KIAA1549L: variants seen among roughly 807,000 people sequenced by gnomAD.
KIAA1549L encodes the protein UPF0606 protein KIAA1549L.
KIAA1549L carries 88 observed loss-of-function variants against 160.7 expected under a neutral mutation model. That is an observed-to-expected ratio of 0.55 (90% confidence interval 0.46 to 0.65). KIAA1549L has a LOEUF of 0.65. Ranked by LOEUF, KIAA1549L falls within the 30% of genes least tolerant of loss-of-function variation. The pLI is 0.00. For missense variants in KIAA1549L, 2,258 were observed against 2,437.5 expected (o/e 0.93, Z 1.55); for synonymous variants, 950 against 976.7 (o/e 0.97, Z 0.51).
chr11:33,593,438 CAAAAT>C (rs1850115402), intron 12 of KIAA1549L, among the ~76,000 whole-genome samples: 1 of 152,052 alleles, frequency 6.6e-6, no homozygotes, highest in Admixed American at 6.5e-5. Flanking sequence ...GGGCTTGTCT[CAAAAT>C]AAAATATAAT....
intron 11 of KIAA1549L, among the ~76,000 whole-genome samples, chr11:33,589,127 A>C (rs1265732491): frequency 6.6e-6 from 1 of 152,246 alleles, no homozygotes; most frequent in African/African-American, 2.4e-5. Flanking sequence ...TCTCAAAAGA[A>C]GACATTTATG....
chr11:33,488,958 C>A (rs996722572), intron 1 of KIAA1549L, among the ~76,000 whole-genome samples: 6 of 152,218 alleles, frequency 3.9e-5, no homozygotes, highest in African/African-American at 1.4e-4. Context: ...TAGCACTTCA[C>A]AGTTTACAGT....
At chr11:33,388,012 A>T (rs994189113) in intron 1 of KIAA1549L, among the ~76,000 whole-genome samples, 8 of 152,220 alleles carry the variant, frequency 5.3e-5, no homozygotes, top group African/African-American at 1.7e-4. Context: ...ATTGGATTTT[A>T]AAAAATTATG....
intron 16 of KIAA1549L, among the ~76,000 whole-genome samples, chr11:33,619,014 G>C (rs1216425399): frequency 6.6e-6 from 1 of 152,110 alleles, no homozygotes; most frequent in African/African-American, 2.4e-5. Context: ...TTGAACACAG[G>C]CTTCTTTTAA....
intron 1 of KIAA1549L, among the ~76,000 whole-genome samples, chr11:33,516,867 A>C (rs534903616): frequency 2.0e-5 from 3 of 152,294 alleles, no homozygotes; most frequent in African/African-American, 7.2e-5. Context: ...CAACAGTGAG[A>C]GTTATTTTAC....
rs1003637364 is a variant in KIAA1549L at position 33,601,228 on chromosome 11, G to T, written c.4879+2281G>T. ...AAAGTAAACCCAGTGAATTTGGGGG[G>T]CTGGTTGCTTCTGTTTACAGGTTTC... On this transcript the variant is annotated intron_variant, in intron 13 of 20. Coordinates refer to ENST00000658780, the MANE Select transcript of KIAA1549L (RefSeq NM_012194.3). 3.3e-5 allele frequency among the ~76,000 whole-genome samples: 5 copies of T among 152,226 alleles called. No homozygotes were observed. In the South Asian group the frequency reaches 8.3e-4, roughly 25 times the overall value.
Position 33,432,013 on chromosome 11 carries a change from C to T in KIAA1549L, c.238+55124C>T, listed in dbSNP as rs566851441. Among the ~76,000 whole-genome samples, 21 of 152,326 alleles carry T rather than the reference C, an allele frequency of 1.4e-4. No homozygotes were observed. In the East Asian group the frequency reaches 1.9e-3, roughly 14 times the overall value. ...TGCTAAGTCCCTCATTGCCCGGGGC[C>T]GGCATGGCAGGCCGGCTGCTCCGAG... On this transcript the variant is annotated intron_variant, in intron 1 of 20. Coordinates refer to ENST00000658780, the MANE Select transcript of KIAA1549L (RefSeq NM_012194.3).
chr11:33,557,921 GGA>G (rs370305867), intron 6 of KIAA1549L, among the ~76,000 whole-genome samples: 2 of 151,536 alleles, frequency 1.3e-5, no homozygotes, highest in Non-Finnish European at 1.5e-5. Context: ...AAAAGGCGGG[GGA>G]GAGAGAGAGA....
chr11:33,509,181 A>G (rs528729858), intron 1 of KIAA1549L, among the ~76,000 whole-genome samples: 61 of 152,304 alleles, frequency 4.0e-4, no homozygotes, highest in African/African-American at 1.4e-3. Flanking sequence ...GTCTTTAAAG[A>G]CAGCTCTCCT....
chr11:33,481,389 T>C (rs899602979), intron 1 of KIAA1549L, among the ~76,000 whole-genome samples: 2 of 152,238 alleles, frequency 1.3e-5, no homozygotes, highest in Admixed American at 6.5e-5. Flanking sequence ...GTTCTATAGG[T>C]AAACTGGAAA....
intron 6 of KIAA1549L, among the ~76,000 whole-genome samples, 157 bp downstream of exon 6, chr11:33,552,398 A>G (rs983721948): frequency 6.6e-6 from 1 of 152,192 alleles, no homozygotes; most frequent in African/African-American, 2.4e-5. Context: ...TGGCCATGAC[A>G]GGAGGGATGC....
chr11:33,449,482 A>G (rs1007026239), intron 1 of KIAA1549L, among the ~76,000 whole-genome samples: 3 of 152,182 alleles, frequency 2.0e-5, no homozygotes, highest in African/African-American at 7.2e-5. Context: ...AAGAGGAGAC[A>G]TCTATTCCCT....
chr11:33,472,267 A>G (rs1852195593), intron 1 of KIAA1549L, among the ~76,000 whole-genome samples: 1 of 142,918 alleles, frequency 7.0e-6, no homozygotes, highest in Admixed American at 7.1e-5. Flanking sequence ...CACATGCCTC[A>G]TGCCTGGCTT....
In KIAA1549L at chr11:33,559,805, T is replaced by A. The variant is rs1209368521; in HGVS notation, c.3912T>A (p.Asn1304Lys). Residue 1304 changes from asparagine to lysine, a missense_variant, in exon 7 of 21, where the codon AAT becomes AAA. Asn to Lys is a moderately conservative substitution (Grantham distance 94). Coordinates refer to ENST00000658780, the MANE Select transcript of KIAA1549L (RefSeq NM_012194.3). Reference protein sequence around the residue: ...QAVTLVYVVGNQSTFLNGTVA... With the variant: ...QAVTLVYVVGKQSTFLNGTVA... ...TCACCTTGGTGTACGTCGTGGGCAA[T>A]CAGAGCACATTCCTCAACGGCACCG... is the stretch of plus-strand genomic sequence containing the variant. 6.2e-7 allele frequency: 1 copy of A among 1,613,958 alleles called. No individual in the cohort carries two copies. The highest frequency in any genetic ancestry group is 8.5e-7 in the Non-Finnish European group (1 of 1,179,868).
At chr11:33,610,026 C>A in intron 15 of KIAA1549L, 60 bp downstream of exon 15, 1 of 1,325,516 alleles carries the variant, frequency 7.5e-7, no homozygotes, top group Non-Finnish European at 1.1e-6. Flanking sequence ...AAGGGCAGGC[C>A]TTGGGCAGTA....
chr11:33,600,686 A>T (rs946480198), intron 13 of KIAA1549L, among the ~76,000 whole-genome samples: 1 of 152,106 alleles, frequency 6.6e-6, no homozygotes, highest in Non-Finnish European at 1.5e-5. Context: ...AACTCAATGT[A>T]TATCTTTCTC....
At chr11:33,479,842 A>G (rs1384820693) in intron 1 of KIAA1549L, among the ~76,000 whole-genome samples, 3 of 152,216 alleles carry the variant, frequency 2.0e-5, no homozygotes, top group Non-Finnish European at 2.9e-5. Flanking sequence ...CAGGACTCTC[A>G]GGACCAAGCA....
chr11:33,530,454 T>A (rs1590315215), intron 1 of KIAA1549L, among the ~76,000 whole-genome samples: 2 of 18,156 alleles, frequency 1.1e-4, no homozygotes, highest in African/African-American at 2.2e-4. Flanking sequence ...TATATATATA[T>A]ATATATATAT....
intron 20 of KIAA1549L, among the ~76,000 whole-genome samples, chr11:33,661,573 A>T (rs968472617): frequency 1.3e-5 from 2 of 152,198 alleles, no homozygotes; most frequent in Non-Finnish European, 2.9e-5. Flanking sequence ...ATGTCAGAAA[A>T]TGAAGGATTA....
Sources: allele counts gnomAD v4.1 joint callset (sites outside exome capture counted in the v4.1 genomes callset), GRCh38; gene constraint gnomAD v4.1.1; transcripts MANE v1.5; gene names NCBI Gene and HGNC (gene_info 2026-07-23, HGNC 2026-07-21).